ADCY8: variants seen among roughly 807,000 people sequenced by gnomAD.
The protein encoded by ADCY8 is adenylate cyclase type 8.
ADCY8 carries 51 observed loss-of-function variants against 119.7 expected under a neutral mutation model. That is an observed-to-expected ratio of 0.43 (90% CI 0.34 to 0.54). The LOEUF (loss-of-function observed/expected upper bound fraction) is 0.54, where lower values mean the gene tolerates loss of function less well. Ranked by LOEUF, ADCY8 falls within the 20% of genes least tolerant of loss-of-function variation. The pLI is 0.03. For synonymous variants in ADCY8, 665 were observed against 651.0 expected (o/e 1.02, Z -0.33); for missense variants, 1,383 against 1,598.8 (o/e 0.87, Z 2.30).
At chr8:130,850,227 G>A (rs1817476643) in intron 9 of ADCY8, among the ~76,000 whole-genome samples, 1 of 152,136 alleles carries the variant, frequency 6.6e-6, no homozygotes, top group Non-Finnish European at 1.5e-5. Flanking sequence ...TTTGGCATTG[G>A]TTTTAAGTTG....
At chr8:130,843,419 A>G (rs1490458751) in intron 11 of ADCY8, among the ~76,000 whole-genome samples, 1 of 152,118 alleles carries the variant, frequency 6.6e-6, no homozygotes, top group Non-Finnish European at 1.5e-5. Flanking sequence ...TGTTCTGCAG[A>G]CTGTAGCCAC....
At chr8:130,842,790 T>C (rs2130285129) in intron 11 of ADCY8, among the ~76,000 whole-genome samples, 1 of 150,670 alleles carries the variant, frequency 6.6e-6, no homozygotes, top group East Asian at 2.0e-4. Flanking sequence ...AGGAATTGCT[T>C]GAACCTGGGA....
chr8:130,928,613 A>G (rs1352592020), intron 5 of ADCY8, among the ~76,000 whole-genome samples: 2 of 152,204 alleles, frequency 1.3e-5, no homozygotes. Flanking sequence ...GCATCCTGGG[A>G]TGAATCCTAC....
At chr8:130,976,027 A>C (rs114667574) in intron 2 of ADCY8, among the ~76,000 whole-genome samples, 2,442 of 151,614 alleles carry the variant, frequency 0.016, 71 homozygotes, top group African/African-American at 0.057. Flanking sequence ...GCTAAAAAAA[A>C]CCACCACCTA....
intron 6 of ADCY8, among the ~76,000 whole-genome samples, chr8:130,907,907 C>T (rs1819843207): frequency 6.6e-6 from 1 of 152,130 alleles, no homozygotes; most frequent in East Asian, 1.9e-4. Flanking sequence ...TCCCTTCTCC[C>T]TCTAGCAGGC....
chr8:130,945,784 C>T (rs1471120016), intron 3 of ADCY8, among the ~76,000 whole-genome samples: 2 of 152,216 alleles, frequency 1.3e-5, no homozygotes, highest in Non-Finnish European at 2.9e-5. Context: ...CCTGAACTGC[C>T]AGGCAGCAGC....
intron 14 of ADCY8, among the ~76,000 whole-genome samples, chr8:130,809,871 C>CAGGGACATACACAAA (rs1816107288): frequency 6.6e-6 from 1 of 152,214 alleles, no homozygotes; most frequent in Non-Finnish European, 1.5e-5. Flanking sequence ...CTGCTGTGGC[C>CAGGGACATACACAAA]AGGGACATAC....
chr8:130,872,015 CTT>C (rs901983209), intron 8 of ADCY8, among the ~76,000 whole-genome samples: 42 of 152,156 alleles, frequency 2.8e-4, no homozygotes, highest in African/African-American at 1.0e-3. Flanking sequence ...AGATAGGAAA[CTT>C]GAGGATCAGA....
At chr8:130,801,104 T>A (rs1815762867) in intron 14 of ADCY8, among the ~76,000 whole-genome samples, 1 of 152,238 alleles carries the variant, frequency 6.6e-6, no homozygotes, top group South Asian at 2.1e-4. Flanking sequence ...AGTCACAGCA[T>A]CATCACCATA....
chr8:130,914,164 C>A (rs561817081), intron 5 of ADCY8, among the ~76,000 whole-genome samples: 18 of 152,302 alleles, frequency 1.2e-4, no homozygotes, highest in African/African-American at 4.3e-4. Flanking sequence ...AACCCATACT[C>A]TTTGAACATG....
intron 8 of ADCY8, among the ~76,000 whole-genome samples, chr8:130,881,735 T>C (rs1325872185): frequency 6.6e-6 from 1 of 152,182 alleles, no homozygotes; most frequent in African/African-American, 2.4e-5. Context: ...ATGCACCTTA[T>C]TATCAGGGGA....
intron 2 of ADCY8, among the ~76,000 whole-genome samples, chr8:130,984,902 T>C (rs1822350704): frequency 6.6e-6 from 1 of 152,002 alleles, no homozygotes. Context: ...AAGAATGTAA[T>C]GTTAGAGATG....
At chr8:130,947,280 C>T (rs191284076) in intron 3 of ADCY8, among the ~76,000 whole-genome samples, 55 of 152,252 alleles carry the variant, frequency 3.6e-4, no homozygotes, top group Middle Eastern at 3.4e-3. Flanking sequence ...CAGATGTGTT[C>T]GGTGTTCCAA....
chr8:130,856,021 A>C (rs62518090), intron 9 of ADCY8, among the ~76,000 whole-genome samples: 60,443 of 151,768 alleles, frequency 0.4, 12,510 homozygotes, highest in African/African-American at 0.51. Context: ...AATGAACTTC[A>C]CAACTCCTAT....
At chr8:131,028,731 G>A (rs1823900421) in intron 1 of ADCY8, among the ~76,000 whole-genome samples, 1 of 152,172 alleles carries the variant, frequency 6.6e-6, no homozygotes, top group Non-Finnish European at 1.5e-5. Context: ...TAAGCTGTAG[G>A]AAACAGTGGA....
At chr8:130,930,138 A>G (rs1314251097) in intron 5 of ADCY8, among the ~76,000 whole-genome samples, 1 of 152,026 alleles carries the variant, frequency 6.6e-6, no homozygotes, top group African/African-American at 2.4e-5. Flanking sequence ...ACATGTAGAG[A>G]CTTGTTAATT....
At chr8:130,784,737 G>A (rs1328187070) in intron 16 of ADCY8, among the ~76,000 whole-genome samples, 1 of 152,152 alleles carries the variant, frequency 6.6e-6, no homozygotes, top group Admixed American at 6.5e-5. Flanking sequence ...ACCAGCATGA[G>A]TTTCATCCCA....
intron 5 of ADCY8, 141 bp from the exon 6 acceptor site, chr8:130,910,007 C>T: frequency 1.4e-6 from 1 of 735,926 alleles, no homozygotes; most frequent in Non-Finnish European, 2.2e-6. Context: ...GAGCTGCAAC[C>T]TCTGCCTCCC....
intron 13 of ADCY8, among the ~76,000 whole-genome samples, chr8:130,818,862 G>A (rs970009230): frequency 1.3e-5 from 2 of 152,206 alleles, no homozygotes; most frequent in African/African-American, 4.8e-5. Context: ...TTGGATTCCC[G>A]CTCCAGTCTG....
Sources: gnomAD v4.1 joint callset for allele counts (sites outside exome capture counted in the v4.1 genomes callset) on GRCh38, gnomAD v4.1.1 for gene constraint, MANE v1.5 for transcripts, NCBI Gene and HGNC (gene_info 2026-07-23, HGNC 2026-07-21) for gene names.